Variants in NLGN1 observed in about 807,000 individuals in gnomAD.
The protein encoded by NLGN1 is neuroligin 1, also known as neuroligin-1.
NLGN1 carries 12 observed loss-of-function variants against 65.5 expected under a neutral mutation model. That is an observed-to-expected ratio of 0.18 (90% confidence interval 0.12 to 0.30). NLGN1 has a LOEUF of 0.30. Among genes scored for constraint, NLGN1 ranks in the 10% least tolerant of loss-of-function variants. The pLI is 1.00. For synonymous variants in NLGN1, 350 were observed against 359.5 expected (o/e 0.97, Z 0.30); for missense variants, 750 against 1,007.1 (o/e 0.74, Z 3.46).
intron 4 of NLGN1, among the ~76,000 whole-genome samples, chr3:174,141,923 T>G (rs535023817): frequency 1.3e-5 from 2 of 152,306 alleles, no homozygotes; most frequent in African/African-American, 4.8e-5. Flanking sequence ...TTTATATTAT[T>G]TATTTCATGT....
intron 4 of NLGN1, among the ~76,000 whole-genome samples, chr3:174,265,896 G>A (rs1268250502): frequency 7.3e-6 from 1 of 137,154 alleles, no homozygotes; most frequent in Non-Finnish European, 1.6e-5. Flanking sequence ...ACGTATATAT[G>A]TATATATGTG....
At chr3:173,801,407 C>T (rs774180262) in intron 3 of NLGN1, among the ~76,000 whole-genome samples, 35 of 151,804 alleles carry the variant, frequency 2.3e-4, no homozygotes, top group Admixed American at 7.9e-4. Context: ...AATCTCATAA[C>T]GAAAATAATA....
At chr3:174,283,645 T>C (rs1480525984) in exon 7 of NLGN1, 2 of 151,444 alleles carry the variant, frequency 1.3e-5, no homozygotes, top group Non-Finnish European at 3.0e-5. Context: ...AAGGAATTTA[T>C]GTGATTATAA....
At chr3:173,571,936 CTCTG>C (rs1467804018) in intron 2 of NLGN1, among the ~76,000 whole-genome samples, 1 of 152,160 alleles carries the variant, frequency 6.6e-6, no homozygotes, top group Non-Finnish European at 1.5e-5. Context: ...AAATAGATAA[CTCTG>C]TCTTTCTACA....
intron 4 of NLGN1, among the ~76,000 whole-genome samples, chr3:173,883,393 C>T (rs1306951148): frequency 1.3e-5 from 2 of 151,992 alleles, no homozygotes; most frequent in Admixed American, 1.3e-4. Context: ...CACCTCAAAA[C>T]AATTACAATA....
chr3:173,963,865 TA>T (rs2152353001), intron 4 of NLGN1, among the ~76,000 whole-genome samples: 1 of 151,704 alleles, frequency 6.6e-6, no homozygotes, highest in South Asian at 2.1e-4. Context: ...CATTCAGGAG[TA>T]AATGGTAGGT....
chr3:173,676,050 C>T (rs1367248647), intron 3 of NLGN1, among the ~76,000 whole-genome samples: 1 of 151,912 alleles, frequency 6.6e-6, no homozygotes, highest in Non-Finnish European at 1.5e-5. Flanking sequence ...GTAAAGTGTG[C>T]AAAGGATCTC....
intron 2 of NLGN1, among the ~76,000 whole-genome samples, chr3:173,438,347 A>G (rs1718524323): frequency 6.6e-6 from 1 of 151,844 alleles, no homozygotes; most frequent in African/African-American, 2.4e-5. Context: ...TAAAAAGGTG[A>G]AAAAAAATGA....
exon 4 of NLGN1, chr3:173,807,794 T>C: frequency 6.2e-7 from 1 of 1,613,732 alleles, no homozygotes; most frequent in Admixed American, 1.7e-5. Context: ...TATGGCAATG[T>C]GATCGTCATC....
chr3:173,962,469 T>C (rs1713836088), intron 4 of NLGN1, among the ~76,000 whole-genome samples: 1 of 152,142 alleles, frequency 6.6e-6, no homozygotes, highest in South Asian at 2.1e-4. Flanking sequence ...TACCATGGAC[T>C]GTCACATTTT....
intron 1 of NLGN1, among the ~76,000 whole-genome samples, chr3:173,417,484 T>A (rs1454699924): frequency 6.6e-6 from 1 of 151,910 alleles, no homozygotes; most frequent in Non-Finnish European, 1.5e-5. Flanking sequence ...TTTACTTTAA[T>A]GGAAACAATA....
At chr3:174,274,034 A>T (rs973518068) in intron 4 of NLGN1, among the ~76,000 whole-genome samples, 13 of 151,700 alleles carry the variant, frequency 8.6e-5, no homozygotes, top group African/African-American at 3.1e-4. Flanking sequence ...TGTTATCACA[A>T]TCATTGACCC....
intron 2 of NLGN1, among the ~76,000 whole-genome samples, chr3:173,591,225 G>C (rs534891070): frequency 6.6e-6 from 1 of 151,822 alleles, no homozygotes; most frequent in Admixed American, 6.6e-5. Context: ...TTAATATATT[G>C]ATATACTATT....
chr3:173,587,516 G>A (rs113811479), intron 2 of NLGN1, among the ~76,000 whole-genome samples: 1,806 of 152,200 alleles, frequency 0.012, 41 homozygotes, highest in African/African-American at 0.042. Context: ...GATTGTTCTA[G>A]GAATTATTGA....
rs187350590 is a variant in NLGN1 at position 174,249,832 on chromosome 3, C to A, written c.647-25483C>A. 1.1e-3 allele frequency among the ~76,000 whole-genome samples: 164 copies of A among 152,150 alleles called. 1 individual carries two copies. Among genetic ancestry groups the A allele is most frequent in the Non-Finnish European group, 1.2e-3 (83 of 68,000 alleles). On this transcript the variant is annotated intron_variant, in intron 4 of 6. Coordinates refer to ENST00000457714, the Ensembl canonical transcript of NLGN1. ...GTTATTTTTCTCTTCTTTGATTGTG[C>A]CTTTGTATTATAAGAAGGAGGCTGC...
intron 4 of NLGN1, among the ~76,000 whole-genome samples, chr3:174,206,635 G>T (rs4637302): frequency 0.5 from 75,987 of 151,976 alleles, 20,084 homozygotes; most frequent in East Asian, 0.77. Context: ...GTCTCCCTCG[G>T]CTTGCTTTTC....
intron 3 of NLGN1, among the ~76,000 whole-genome samples, chr3:173,776,395 C>T (rs1216430719): frequency 1.3e-5 from 2 of 151,974 alleles, no homozygotes; most frequent in Non-Finnish European, 2.9e-5. Context: ...ATTGTTGCAG[C>T]TTTGTTCCTC....
chr3:173,598,479 C>G (rs907683316), intron 2 of NLGN1, among the ~76,000 whole-genome samples: 1 of 152,106 alleles, frequency 6.6e-6, no homozygotes, highest in African/African-American at 2.4e-5. Flanking sequence ...ATCTCTGCCC[C>G]AAAATACCAC....
intron 3 of NLGN1, among the ~76,000 whole-genome samples, chr3:173,698,637 T>C (rs1294698919): frequency 6.6e-6 from 1 of 152,234 alleles, no homozygotes; most frequent in African/African-American, 2.4e-5. Context: ...AAGAGCAACA[T>C]GTTTGCTACA....
Sources: gnomAD v4.1 joint callset for allele counts (sites outside exome capture counted in the v4.1 genomes callset) on GRCh38, gnomAD v4.1.1 for gene constraint, MANE v1.5 for transcripts, NCBI Gene and HGNC (gene_info 2026-07-23, HGNC 2026-07-21) for gene names.